Variants in BRINP3 observed in about 807,000 individuals in gnomAD.
BRINP3 encodes BMP/retinoic acid inducible neural specific 3.
BRINP3 carries 19 observed loss-of-function variants against 71.0 expected under a neutral mutation model. The ratio of observed to expected loss-of-function variants is 0.27; its 90% CI spans 0.19 to 0.39. The LOEUF is 0.39. Among genes scored for constraint, BRINP3 ranks in the 10% least tolerant of loss-of-function variants. The probability of loss-of-function intolerance (pLI) is 1.00; values close to 1 mark genes in which losing one functional copy is unlikely to be tolerated. For missense variants in BRINP3, 959 were observed against 940.8 expected (o/e 1.02, Z -0.25); for synonymous variants, 380 against 337.7 (o/e 1.13, Z -1.37).
chr1:190,313,347 T>C (rs896960502), intron 2 of BRINP3, among the ~76,000 whole-genome samples: 3 of 151,886 alleles, frequency 2.0e-5, no homozygotes, highest in African/African-American at 7.3e-5. Flanking sequence ...ATAGATAGCA[T>C]AGATGATACA....
At chr1:190,195,951 C>T (rs920469796) in intron 6 of BRINP3, among the ~76,000 whole-genome samples, 2 of 152,080 alleles carry the variant, frequency 1.3e-5, no homozygotes, top group Non-Finnish European at 1.5e-5. Context: ...ATATTTGGCA[C>T]ACCTTCTCAG....
intron 1 of BRINP3, among the ~76,000 whole-genome samples, chr1:190,459,333 C>A (rs1445884448): frequency 3.3e-5 from 5 of 151,528 alleles, no homozygotes; most frequent in Admixed American, 6.6e-5. Context: ...TATGATTATT[C>A]TTTCTTACTA....
At chr1:190,340,761 G>A (rs192206376) in intron 2 of BRINP3, among the ~76,000 whole-genome samples, 1 of 151,544 alleles carries the variant, frequency 6.6e-6, no homozygotes, top group Non-Finnish European at 1.5e-5. Flanking sequence ...TCTGTGTAAT[G>A]TAATGTCAGC....
chr1:190,349,193 A>G (rs943510079), intron 2 of BRINP3, among the ~76,000 whole-genome samples: 2 of 152,110 alleles, frequency 1.3e-5, no homozygotes, highest in Non-Finnish European at 2.9e-5. Context: ...TCTAGAGCTT[A>G]GTTTGGGGCT....
intron 6 of BRINP3, among the ~76,000 whole-genome samples, chr1:190,190,170 A>G (rs1653908796): frequency 6.6e-6 from 1 of 152,112 alleles, no homozygotes; most frequent in Non-Finnish European, 1.5e-5. Context: ...AGGGCGCAGA[A>G]ACTTAGTTTA....
intron 1 of BRINP3, among the ~76,000 whole-genome samples, chr1:190,465,678 T>A (rs1007801958): frequency 1.3e-5 from 2 of 151,908 alleles, no homozygotes; most frequent in Non-Finnish European, 2.9e-5. Context: ...GGCTAGAAAT[T>A]CTACTTTTTC....
chr1:190,426,099 T>C (rs1673686867), intron 2 of BRINP3, among the ~76,000 whole-genome samples: 1 of 151,856 alleles, frequency 6.6e-6, no homozygotes, highest in African/African-American at 2.4e-5. Flanking sequence ...ATCTGAGGAT[T>C]GTAAAAGTTC....
At chr1:190,313,112 AT>A (rs920604225) in intron 2 of BRINP3, among the ~76,000 whole-genome samples, 2 of 151,932 alleles carry the variant, frequency 1.3e-5, no homozygotes, top group African/African-American at 4.8e-5. Flanking sequence ...TTGAAAAAAA[AT>A]AAGTAAAATT....
chr1:190,146,704 A>T (rs1655919418), intron 7 of BRINP3, among the ~76,000 whole-genome samples: 1 of 152,114 alleles, frequency 6.6e-6, no homozygotes. Flanking sequence ...CACTTCTGGA[A>T]CACTATTTTA....
At chr1:190,273,120 A>T (rs10800939) in intron 3 of BRINP3, among the ~76,000 whole-genome samples, 61,730 of 150,442 alleles carry the variant, frequency 0.41, 13,376 homozygotes, top group Non-Finnish European at 0.49. Flanking sequence ...TTGTTTGAGA[A>T]TTTTACGACC....
chr1:190,307,493 C>A (rs990716076), intron 2 of BRINP3, among the ~76,000 whole-genome samples: 1 of 151,560 alleles, frequency 6.6e-6, no homozygotes, highest in African/African-American at 2.4e-5. Flanking sequence ...AAAGTCTGGG[C>A]TATTAGTATT....
chr1:190,325,981 A>G (rs181285518), intron 2 of BRINP3, among the ~76,000 whole-genome samples: 11 of 152,264 alleles, frequency 7.2e-5, no homozygotes, highest in Admixed American at 2.6e-4. Flanking sequence ...TTCAAACAAT[A>G]AATTGCAAGG....
rs574268656 is a variant in BRINP3, at chr1:190,359,360, G to A, written c.237-77610C>T. ...TGACCATATCAGAAAGACCAATGGT[G>A]TGATTTAAGGTACAGACATTGAATC... is the stretch of plus-strand genomic sequence containing the variant. On this transcript the variant is annotated intron_variant, in intron 2 of 7. Transcript: ENST00000367462. 1.6e-4 allele frequency among the ~76,000 whole-genome samples: 25 copies of A among 152,162 alleles called. 1 individual carries two copies. In the East Asian group the frequency reaches 4.5e-3, roughly 27 times the overall value.
At chr1:190,132,218 G>A (rs906200924) in intron 7 of BRINP3, among the ~76,000 whole-genome samples, 1 of 151,880 alleles carries the variant, frequency 6.6e-6, no homozygotes, top group Non-Finnish European at 1.5e-5. Flanking sequence ...CCTATAGATG[G>A]GTAATTTACC....
intron 1 of BRINP3, among the ~76,000 whole-genome samples, chr1:190,455,739 A>G (rs995703694): frequency 3.3e-5 from 5 of 152,178 alleles, no homozygotes; most frequent in Non-Finnish European, 7.4e-5. Context: ...TCATACCTCC[A>G]AAATTATATG....
At chr1:190,296,487 T>G (rs1664263809) in intron 2 of BRINP3, among the ~76,000 whole-genome samples, 1 of 152,028 alleles carries the variant, frequency 6.6e-6, no homozygotes, top group Non-Finnish European at 1.5e-5. Flanking sequence ...AATGAAAAGC[T>G]TTTCCTTTTT....
intron 2 of BRINP3, among the ~76,000 whole-genome samples, chr1:190,329,760 C>T (rs999648269): frequency 2.6e-5 from 4 of 151,812 alleles, no homozygotes; most frequent in African/African-American, 9.7e-5. Context: ...TACTACGAGG[C>T]CACAGTAACC....
chr1:190,102,167 C>A (rs976580760), intron 7 of BRINP3, among the ~76,000 whole-genome samples: 17 of 152,074 alleles, frequency 1.1e-4, no homozygotes, highest in African/African-American at 4.1e-4. Context: ...AATTTAGTTA[C>A]CTGTCTTTTC....
chr1:190,156,311 A>T (rs1044273746), intron 7 of BRINP3, among the ~76,000 whole-genome samples: 1 of 152,090 alleles, frequency 6.6e-6, no homozygotes, highest in African/African-American at 2.4e-5. Context: ...AGATCTTAGC[A>T]GATCATAAAT....
Sources: gnomAD v4.1 joint callset for allele counts (sites outside exome capture counted in the v4.1 genomes callset) on GRCh38, gnomAD v4.1.1 for gene constraint, MANE v1.5 for transcripts, NCBI Gene and HGNC (gene_info 2026-07-23, HGNC 2026-07-21) for gene names.